TM6SF1: variants seen among roughly 807,000 people sequenced by gnomAD.
The protein encoded by TM6SF1 is transmembrane 6 superfamily member 1.
A neutral mutation model predicts 47.1 loss-of-function variants in TM6SF1; 43 were observed. That is an observed-to-expected ratio of 0.91 (90% confidence interval 0.72 to 1.18). TM6SF1 has a LOEUF of 1.18. TM6SF1 is among the 50% of genes most tolerant of loss of function. The pLI is 0.00. For synonymous variants in TM6SF1, 177 were observed against 166.3 expected (o/e 1.06, Z -0.49); for missense variants, 390 against 449.0 (o/e 0.87, Z 1.19).
chr15:83,127,235 A>T, intron 8 of TM6SF1, 123 bp from the exon 9 acceptor site: 24 of 816,686 alleles, frequency 2.9e-5, no homozygotes, highest in Non-Finnish European at 3.6e-5. Flanking sequence ...AAAAAAAAAG[A>T]GTCCCATATA....
chr15:83,115,388 G>C (rs1688141650), intron 2 of TM6SF1: 1 of 314,002 alleles, frequency 3.2e-6, no homozygotes, highest in South Asian at 2.8e-5. Context: ...AAAGTGCTGG[G>C]ATTACAGACT....
intron 9 of TM6SF1, chr15:83,132,152 G>A (rs1196900266): frequency 6.6e-6 from 1 of 152,186 alleles, no homozygotes; most frequent in Non-Finnish European, 1.5e-5. Flanking sequence ...GTTGGATGAG[G>A]TAATACATGT....
At chr15:83,109,769 C>T (rs776276798) in intron 1 of TM6SF1, among the ~76,000 whole-genome samples, 10 of 152,204 alleles carry the variant, frequency 6.6e-5, no homozygotes, top group Non-Finnish European at 1.2e-4. Flanking sequence ...CCTGCCGCAC[C>T]AGCCTGCCTT....
At chr15:83,109,553 C>T (rs1419772743) in intron 1 of TM6SF1, among the ~76,000 whole-genome samples, 1 of 152,174 alleles carries the variant, frequency 6.6e-6, no homozygotes, top group Admixed American at 6.5e-5. Flanking sequence ...TTTGATTCCT[C>T]TCTTCTTTCT....
chr15:83,116,165 T>C (rs1488665941), intron 3 of TM6SF1, among the ~76,000 whole-genome samples: 4 of 152,242 alleles, frequency 2.6e-5, no homozygotes, highest in Non-Finnish European at 5.9e-5. Flanking sequence ...TCACGGCTTC[T>C]CTCACTCATG....
Position 83,136,755 on chromosome 15 carries a change from C to A in TM6SF1, c.*83C>A. On this transcript the variant is annotated 3_prime_UTR_variant, in exon 10 of 10. Transcript: ENST00000322019. ...ATATTTTGTCCCATTTCACTCTCTT[C>A]TCATACGTGAGTACTTAAGAATATG... The A allele has an allele frequency of 8.7e-7, 1 of 1,149,830 alleles. No homozygotes were observed. The highest frequency in any genetic ancestry group is 1.2e-6 in the Non-Finnish European group (1 of 803,644). The allele number at this position is 1,149,830 out of a possible 1,614,324, so 71.2% of individuals were successfully genotyped here.
intron 6 of TM6SF1, 26 bp from the exon 7 acceptor site, chr15:83,124,646 C>CT: frequency 6.3e-7 from 1 of 1,586,852 alleles, no homozygotes; most frequent in Non-Finnish European, 8.6e-7. Context: ...TTTGGGCCTG[C>CT]TCTTTAGGTA....
intron 1 of TM6SF1, among the ~76,000 whole-genome samples, chr15:83,108,336 G>A (rs1449180742): frequency 6.6e-6 from 1 of 152,072 alleles, no homozygotes; most frequent in African/African-American, 2.4e-5. Context: ...CTGACGGTGT[G>A]GTCTGGCCTC....
chr15:83,115,721 G>T (rs747924805), intron 2 of TM6SF1, 124 bp from the exon 3 acceptor site: 4 of 754,000 alleles, frequency 5.3e-6, no homozygotes, highest in African/African-American at 5.2e-5. Context: ...AGTCTATCTC[G>T]ATAATTGTCC....
chr15:83,136,187 C>CGGT, intron 9 of TM6SF1: 1 of 249,068 alleles, frequency 4.0e-6, no homozygotes, highest in Non-Finnish European at 7.6e-6. Flanking sequence ...CACTAATGTT[C>CGGT]GGTAAGGGGC....
intron 3 of TM6SF1, among the ~76,000 whole-genome samples, chr15:83,118,528 A>G (rs892958932): frequency 5.3e-5 from 8 of 152,164 alleles, no homozygotes; most frequent in African/African-American, 1.7e-4. Context: ...TGGGTGTAGA[A>G]GCAGAACCTT....
At chr15:83,109,755 T>C (rs2033980585) in intron 1 of TM6SF1, among the ~76,000 whole-genome samples, 1 of 152,178 alleles carries the variant, frequency 6.6e-6, no homozygotes, top group African/African-American at 2.4e-5. Context: ...CACGCACTAG[T>C]GCTCCTGCCG....
At chr15:83,120,409 T>C (rs2035111572) in intron 4 of TM6SF1, among the ~76,000 whole-genome samples, 1 of 152,096 alleles carries the variant, frequency 6.6e-6, no homozygotes, top group Non-Finnish European at 1.5e-5. Flanking sequence ...ACCCAGAAGG[T>C]ACACCCTTTG....
intron 4 of TM6SF1, 156 bp from the exon 5 acceptor site, chr15:83,121,764 CA>C (rs2035272784): frequency 1.6e-6 from 1 of 611,880 alleles, no homozygotes; most frequent in Non-Finnish European, 2.8e-6. Flanking sequence ...GTTACATAAC[CA>C]GGGCTCCTTG....
chr15:83,118,170 G>A (rs1338494319), intron 3 of TM6SF1, among the ~76,000 whole-genome samples: 1 of 152,032 alleles, frequency 6.6e-6, no homozygotes, highest in Non-Finnish European at 1.5e-5. Flanking sequence ...AGACTGCAGT[G>A]AGCAATGATC....
rs886997722 is a variant in TM6SF1 at position 83,119,646 on chromosome 15, G to A, written c.363G>A (p.Leu121=). 6.2e-7 allele frequency: 1 copy of A among 1,614,172 alleles called. No individual in the cohort carries two copies. The highest frequency in any genetic ancestry group is 1.7e-5 in the Admixed American group (1 of 60,024). The change falls in exon 4 of 10, where the codon CTG becomes CTA. Residue 121 remains leucine, a synonymous_variant. Coordinates refer to ENST00000322019, the MANE Select transcript of TM6SF1 (RefSeq NM_023003.5). ...ACTGGGATGGCTCTGCTCATTATCT[G>A]ATGTACCTGGTGATGGTGGCAGCCA... ...ICYWDGSAHY[L]MYLVMVAAIA...
intron 7 of TM6SF1, among the ~76,000 whole-genome samples, chr15:83,126,020 GC>G (rs1567149025): frequency 1.3e-5 from 2 of 152,126 alleles, no homozygotes; most frequent in Non-Finnish European, 2.9e-5. Context: ...AAAATAGTGG[GC>G]CCCACCTGTA....
Position 83,136,529 on chromosome 15 carries a change from G to T in TM6SF1, c.970G>T (p.Val324Phe), listed in dbSNP as rs2036624088. 1 of 1,611,818 alleles carries T rather than the reference G, an allele frequency of 6.2e-7. No homozygotes were observed. The highest frequency in any genetic ancestry group is 2.2e-5 in the East Asian group (1 of 44,852). Residue 324 changes from valine (V) to phenylalanine (F), a missense_variant, in exon 10 of 10, where the codon GTC becomes TTC. Physicochemically the swap from Val to Phe is conservative, Grantham distance 50 (BLOSUM62 -1). Coordinates refer to ENST00000322019, the MANE Select transcript of TM6SF1 (RefSeq NM_023003.5). ...GASLHARTAY[V>F]YRVPEEAKIL... Reference sequence around the variant, plus strand: ...ATCTCTTCATGCTAGAACTGCTTATGTCTACAGAGTCCCTGAAGAAGCAAA... The same window carrying T: ...ATCTCTTCATGCTAGAACTGCTTATTTCTACAGAGTCCCTGAAGAAGCAAA...
chr15:83,122,115 A>G (rs1161108195), intron 5 of TM6SF1, 112 bp downstream of exon 5: 11 of 888,774 alleles, frequency 1.2e-5, no homozygotes, highest in Non-Finnish European at 1.8e-5. Flanking sequence ...AAGCTTACTA[A>G]AAACCTGTTT....
Sources: allele counts gnomAD v4.1 joint callset (sites outside exome capture counted in the v4.1 genomes callset), GRCh38; gene constraint gnomAD v4.1.1; transcripts MANE v1.5; gene names NCBI Gene and HGNC (gene_info 2026-07-23, HGNC 2026-07-21).